Variants in GALNT18 observed in about 807,000 individuals in gnomAD.
GALNT18 encodes the protein GalNAc-transferase 18.
In GALNT18, 44 loss-of-function variants were observed where a neutral mutation model predicts 69.5. The ratio of observed to expected loss-of-function variants is 0.63; its 90% confidence interval spans 0.50 to 0.81. The LOEUF (loss-of-function observed/expected upper bound fraction) is 0.81. Ranked by LOEUF, GALNT18 falls within the 40% of genes least tolerant of loss-of-function variation. GALNT18 has a pLI of 0.00. For missense variants in GALNT18, 715 were observed against 810.0 expected (o/e 0.88, Z 1.42); for synonymous variants, 364 against 318.2 (o/e 1.14, Z -1.53).
chr11:11,349,239 A>G (rs941537337), intron 6 of GALNT18, among the ~76,000 whole-genome samples: 3 of 152,170 alleles, frequency 2.0e-5, no homozygotes, highest in Non-Finnish European at 4.4e-5. Context: ...GGTATTACGG[A>G]TGGTGCTCCT....
rs1858851322 is a variant in GALNT18 at position 11,573,734 on chromosome 11, T to C, written c.235+47625A>G. Reference sequence around the variant, plus strand: ...ATGGAAGGGGATATCCTATCTCCTATATTGTATCCTCATCATGGTCTCAAT... The same window carrying C: ...ATGGAAGGGGATATCCTATCTCCTACATTGTATCCTCATCATGGTCTCAAT... On this transcript the variant is annotated intron_variant, in intron 1 of 10. Coordinates refer to ENST00000227756, the MANE Select transcript of GALNT18 (RefSeq NM_198516.3). The surrounding 1 kb of genome is among the most constrained non-coding windows in gnomAD (Gnocchi z 4.6). 6.6e-6 allele frequency: 1 copy of C among 152,202 alleles called. No individual in the cohort carries two copies. The highest frequency in any genetic ancestry group is 1.5e-5 in the Non-Finnish European group (1 of 68,036). 9.4% of individuals were successfully genotyped at this position (152,202 alleles called of 1,614,324 possible).
In GALNT18 at chr11:11,436,270, G is replaced by A. The variant is rs1294919523; in HGVS notation, c.429-3483C>T. Among the ~76,000 whole-genome samples, 2 of 152,188 alleles carry A rather than the reference G, an allele frequency of 1.3e-5. No homozygotes were observed. The highest frequency in any genetic ancestry group is 4.8e-5 in the African/African-American group (2 of 41,446). ...ACAGAATAAGGAAATGGGAAGAAAG[G>A]ATCACTCAGATGGCTTCTCTCCACA... On this transcript the variant is annotated intron_variant, in intron 2 of 10. Transcript: ENST00000227756. This position sits in a 1 kb window ranked among gnomAD's most constrained non-coding sequence, Gnocchi z 4.5.
intron 10 of GALNT18, among the ~76,000 whole-genome samples, chr11:11,283,933 C>A (rs543943866): frequency 1.3e-5 from 2 of 151,980 alleles, no homozygotes; most frequent in South Asian, 4.1e-4. Flanking sequence ...GAGCCAGGTT[C>A]CCTTCTCCAA....
intron 10 of GALNT18, among the ~76,000 whole-genome samples, chr11:11,286,853 TG>T (rs1245607051): frequency 6.6e-6 from 1 of 152,210 alleles, no homozygotes; most frequent in Non-Finnish European, 1.5e-5. Flanking sequence ...GTATTCAGGC[TG>T]GCCCAGTGAG....
chr11:11,395,116 C>T (rs1230206914), intron 3 of GALNT18, among the ~76,000 whole-genome samples: 1 of 152,240 alleles, frequency 6.6e-6, no homozygotes, highest in African/African-American at 2.4e-5. Context: ...GACACAGTGC[C>T]AGGCACCCAT....
Position 11,430,528 on chromosome 11 carries a change from AG to A in GALNT18, c.595+2092del, listed in dbSNP as rs1200436784. 6.6e-6 allele frequency among the ~76,000 whole-genome samples: 1 copy of A among 152,222 alleles called. No individual in the cohort carries two copies. Among genetic ancestry groups the A allele is most frequent in the Non-Finnish European group, 1.5e-5 (1 of 68,040 alleles). On this transcript the variant is annotated intron_variant, in intron 3 of 10. Transcript: ENST00000227756. The surrounding 1 kb of genome is among the most constrained non-coding windows in gnomAD (Gnocchi z 4.9). ...TACTGAACCATCACCACAATGCTCT[AG>A]AGCTTTGGTTGTGAAAGGTCTAGGG...
intron 1 of GALNT18, among the ~76,000 whole-genome samples, chr11:11,570,669 G>A (rs558542712): frequency 6.6e-6 from 1 of 152,250 alleles, no homozygotes; most frequent in East Asian, 1.9e-4. Flanking sequence ...TCTCTCACAC[G>A]CTCCATTTTT....
chr11:11,271,314 G>C (rs1268805520), intron 10 of GALNT18, 24 bp from the exon 11 acceptor site: 1 of 1,607,568 alleles, frequency 6.2e-7, no homozygotes, highest in Non-Finnish European at 8.5e-7. Context: ...CAGACAGTGG[G>C]GTCAGAGGGC....
chr11:11,275,169 A>C (rs1042529576), intron 10 of GALNT18, among the ~76,000 whole-genome samples: 1 of 152,220 alleles, frequency 6.6e-6, no homozygotes, highest in African/African-American at 2.4e-5. Context: ...CAACAGTGTA[A>C]AAGTGTTCCT....
rs11607171 is a variant in GALNT18 at position 11,582,659 on chromosome 11, C to A, written c.235+38700G>T. Among the ~76,000 whole-genome samples, 1 of 152,164 alleles carries A rather than the reference C, an allele frequency of 6.6e-6. No homozygotes were observed. ...AGACTTTCAGTATGCAGTAGAAATA[C>A]ACATTGAGGGCTAAAAGCCTTTGTG... On this transcript the variant is annotated intron_variant, in intron 1 of 10. Transcript: ENST00000227756. The surrounding 1 kb of genome is among the most constrained non-coding windows in gnomAD (Gnocchi z 5.0).
At chr11:11,539,650 C>A (rs1048889123) in intron 1 of GALNT18, among the ~76,000 whole-genome samples, 2 of 152,152 alleles carry the variant, frequency 1.3e-5, no homozygotes, top group Admixed American at 6.5e-5. Context: ...ACTTGGGAGG[C>A]TGCGGAGGGT....
rs1282645009 is a variant in GALNT18 at position 11,613,486 on chromosome 11, G to A, written c.235+7873C>T. ...CTTCTCAAGTAGGAAAATAAAGGGT[G>A]GAGTAAGAATGAATGCAATGTGTTA... On this transcript the variant is annotated intron_variant, in intron 1 of 10. Coordinates refer to ENST00000227756, the MANE Select transcript of GALNT18 (RefSeq NM_198516.3). The surrounding 1 kb of genome is among the most constrained non-coding windows in gnomAD (Gnocchi z 4.2). Among the ~76,000 whole-genome samples the A allele has an allele frequency of 6.6e-6, 1 of 152,192 alleles. No individual in the cohort carries two copies. Among genetic ancestry groups the A allele is most frequent in the Non-Finnish European group, 1.5e-5 (1 of 68,026 alleles).
chr11:11,493,920 C>T (rs2133889180), intron 1 of GALNT18, among the ~76,000 whole-genome samples: 1 of 152,308 alleles, frequency 6.6e-6, no homozygotes, highest in Admixed American at 6.5e-5. Context: ...GGAGCTGTCA[C>T]AGAGACCATG....
intron 9 of GALNT18, among the ~76,000 whole-genome samples, chr11:11,316,330 C>A (rs1849752026): frequency 6.6e-6 from 1 of 152,104 alleles, no homozygotes; most frequent in South Asian, 2.1e-4. Flanking sequence ...AGAGAAGTGG[C>A]TAGACATTTA....
chr11:11,422,148 T>C (rs1855024413), intron 3 of GALNT18, among the ~76,000 whole-genome samples: 1 of 152,148 alleles, frequency 6.6e-6, no homozygotes, highest in Non-Finnish European at 1.5e-5. Flanking sequence ...CAGGGAGAGA[T>C]GGGCATTCAA....
At position 11,584,214 on chromosome 11, in the gene GALNT18, C is replaced by T. The variant is rs1325658576; in HGVS notation, c.235+37145G>A. 1.3e-5 allele frequency among the ~76,000 whole-genome samples: 2 copies of T among 152,114 alleles called. No individual in the cohort carries two copies. The highest frequency in any genetic ancestry group is 1.3e-4 in the Admixed American group (2 of 15,282). On this transcript the variant is annotated intron_variant, in intron 1 of 10. Transcript: ENST00000227756. The surrounding 1 kb of genome is among the most constrained non-coding windows in gnomAD (Gnocchi z 4.1). Reference sequence around the variant, plus strand: ...CGGCAATAAAATTAGAGCAAAGTGTCCTTCCAGCAGCTGGGGACAGGAAGC... The same window carrying T: ...CGGCAATAAAATTAGAGCAAAGTGTTCTTCCAGCAGCTGGGGACAGGAAGC...
intron 7 of GALNT18, among the ~76,000 whole-genome samples, chr11:11,334,091 T>G (rs1463082947): frequency 6.6e-6 from 1 of 152,128 alleles, no homozygotes; most frequent in East Asian, 1.9e-4. Context: ...ATGCTCTCTT[T>G]GTGAATCCCT....
At chr11:11,360,886 T>TA (rs528617883) in intron 6 of GALNT18, among the ~76,000 whole-genome samples, 5 of 152,338 alleles carry the variant, frequency 3.3e-5, no homozygotes, top group South Asian at 4.1e-4. Flanking sequence ...TAACAATTTC[T>TA]AAAAAAATAC....
chr11:11,433,994 C>T (rs1205609429), intron 2 of GALNT18, among the ~76,000 whole-genome samples: 1 of 152,028 alleles, frequency 6.6e-6, no homozygotes, highest in African/African-American at 2.4e-5. Context: ...TTGCACAGGG[C>T]TTCTGCTTGT....
Sources: gnomAD v4.1 joint callset for allele counts (sites outside exome capture counted in the v4.1 genomes callset) on GRCh38, gnomAD v4.1.1 for gene constraint, Gnocchi (gnomAD v3.1) non-coding constraint, MANE v1.5 for transcripts, NCBI Gene and HGNC (gene_info 2026-07-23, HGNC 2026-07-21) for gene names.